The following CCM2 variants were observed in gnomAD, a reference collection of about 807,000 sequenced individuals.
The protein encoded by CCM2 is cerebral cavernous malformations 2 protein.
In CCM2, 25 loss-of-function variants were observed where a neutral mutation model predicts 44.9. The ratio of observed to expected loss-of-function variants is 0.56; its 90% CI spans 0.41 to 0.78. CCM2 has a LOEUF of 0.78. Ranked by LOEUF, CCM2 falls within the 30% of genes least tolerant of loss-of-function variation. The pLI, the probability that CCM2 is intolerant of heterozygous loss-of-function variation, is 0.00. For synonymous variants in CCM2, 219 were observed against 241.1 expected (o/e 0.91, Z 0.85); for missense variants, 481 against 580.6 (o/e 0.83, Z 1.76).
rs1487813700 is a variant in CCM2 at position 45,074,428 on chromosome 7, A to T, written c.1054+20A>T. The T allele has an allele frequency of 6.2e-7, 1 of 1,607,450 alleles. No individual in the cohort carries two copies. The highest frequency in any genetic ancestry group is 1.7e-5 in the Admixed American group (1 of 59,510). On this transcript the variant is annotated intron_variant, in intron 9 of 9. Transcript: ENST00000258781. ...TGCTTGGTGAGTGGGCCCTGGAAAG[A>T]GGGTGGCTTGTCCAAACCTGGCTTG...
chr7:45,034,512 C>CT (rs35845924), intron 1 of CCM2, among the ~76,000 whole-genome samples: 9,581 of 65,020 alleles, frequency 0.15, 2,136 homozygotes, highest in African/African-American at 0.43. Flanking sequence ...CATGCCTGGC[C>CT]TTTTTTTTTT....
intron 2 of CCM2, among the ~76,000 whole-genome samples, chr7:45,058,362 A>C (rs963997911): frequency 2.0e-5 from 3 of 152,198 alleles, no homozygotes; most frequent in African/African-American, 7.2e-5. Context: ...GTACATGTGC[A>C]CAACGTGCAG....
At chr7:45,027,413 G>A (rs1263426776) in intron 1 of CCM2, 4 of 510,616 alleles carry the variant, frequency 7.8e-6, no homozygotes, top group Non-Finnish European at 1.4e-5. Flanking sequence ...TCTGTTGACT[G>A]CAGAATTTCT....
chr7:45,013,691 C>T (rs894671802), intron 1 of CCM2, among the ~76,000 whole-genome samples: 3 of 152,152 alleles, frequency 2.0e-5, no homozygotes, highest in East Asian at 3.8e-4. Flanking sequence ...TTTATAGATT[C>T]AGGATCATGT....
chr7:45,068,302 C>T, intron 4 of CCM2, 141 bp from the exon 5 acceptor site: 1 of 1,064,198 alleles, frequency 9.4e-7, no homozygotes, highest in Non-Finnish European at 1.4e-6. Flanking sequence ...GGTGCAGGCC[C>T]TTCACCTGAG....
intron 2 of CCM2, among the ~76,000 whole-genome samples, chr7:45,058,289 C>A (rs565258499): frequency 1.3e-5 from 2 of 152,026 alleles, no homozygotes; most frequent in Non-Finnish European, 2.9e-5. Flanking sequence ...AGGTATCTAA[C>A]TTTTTGCCAT....
At chr7:45,042,265 C>CAAAAAACAAAAAAAAA (rs1797545157) in intron 2 of CCM2, among the ~76,000 whole-genome samples, 1 of 102,418 alleles carries the variant, frequency 9.8e-6, no homozygotes, top group Non-Finnish European at 1.8e-5. Context: ...GATTCCATCT[C>CAAAAAACAAAAAAAAA]AAAAAAAAAA....
At chr7:45,016,049 C>T (rs1796251056) in intron 1 of CCM2, among the ~76,000 whole-genome samples, 1 of 152,216 alleles carries the variant, frequency 6.6e-6, no homozygotes, top group Non-Finnish European at 1.5e-5. Flanking sequence ...TTGGCCTTGT[C>T]AACTTAAAAA....
chr7:45,071,545 A>G (rs1431721020), intron 6 of CCM2: 2 of 321,866 alleles, frequency 6.2e-6, no homozygotes, highest in Non-Finnish European at 1.2e-5. Flanking sequence ...AGCTATGCCA[A>G]AACATAGCAG....
chr7:45,061,262 C>T (rs988310876), intron 2 of CCM2, among the ~76,000 whole-genome samples: 2 of 152,040 alleles, frequency 1.3e-5, no homozygotes, highest in South Asian at 2.1e-4. Flanking sequence ...GTCCCTGGGC[C>T]GTGGCCTTCA....
intron 1 of CCM2, among the ~76,000 whole-genome samples, chr7:45,017,787 T>G (rs1289899414): frequency 6.6e-6 from 1 of 152,224 alleles, no homozygotes; most frequent in Admixed American, 6.5e-5. Flanking sequence ...CAAGGCATCT[T>G]GTCATGGCTG....
chr7:45,024,439 C>T (rs1180700807), intron 1 of CCM2, among the ~76,000 whole-genome samples: 5 of 134,738 alleles, frequency 3.7e-5, no homozygotes, highest in African/African-American at 1.5e-4. Flanking sequence ...TGTTTGCTTG[C>T]TGAACACTGT....
At chr7:45,024,921 C>T (rs1255330573) in intron 1 of CCM2, among the ~76,000 whole-genome samples, 1 of 152,182 alleles carries the variant, frequency 6.6e-6, no homozygotes, top group Non-Finnish European at 1.5e-5. Context: ...TTGAGTTCAT[C>T]GTTGTTGTCT....
chr7:44,999,887 G>A (rs1329430806), upstream of CCM2: 4 of 368,554 alleles, frequency 1.1e-5, no homozygotes, highest in Non-Finnish European at 2.2e-5. Flanking sequence ...CAGAAGCGAA[G>A]TAGGGGTAGG....
chr7:45,018,647 C>T (rs939286762), intron 1 of CCM2, among the ~76,000 whole-genome samples: 66 of 152,108 alleles, frequency 4.3e-4, no homozygotes, highest in African/African-American at 1.6e-3. Flanking sequence ...TGCCCAGCTT[C>T]TTTTGGCATT....
At chr7:45,053,210 T>C (rs1645723606) in intron 2 of CCM2, among the ~76,000 whole-genome samples, 1 of 152,210 alleles carries the variant, frequency 6.6e-6, no homozygotes, top group Admixed American at 6.5e-5. Flanking sequence ...CTATGGTACT[T>C]TTACCCAGGT....
intron 1 of CCM2, among the ~76,000 whole-genome samples, chr7:45,033,044 CAAAAAAA>C (rs60956411): frequency 1.5e-4 from 9 of 58,084 alleles, no homozygotes; most frequent in Admixed American, 5.2e-4. Flanking sequence ...AACTCCGTCT[CAAAAAAA>C]AAAAAAAAAA....
intron 1 of CCM2, among the ~76,000 whole-genome samples, chr7:45,022,571 G>A (rs948142632): frequency 2.6e-5 from 4 of 151,862 alleles, no homozygotes; most frequent in African/African-American, 9.7e-5. Flanking sequence ...CTCCCAAAGT[G>A]CTGGGATTAC....
chr7:45,026,247 C>T (rs1053241895), intron 1 of CCM2, among the ~76,000 whole-genome samples: 3 of 152,176 alleles, frequency 2.0e-5, no homozygotes, highest in African/African-American at 7.2e-5. Flanking sequence ...TGTGACTCTA[C>T]TCTGGTTTTT....
Sources: allele counts gnomAD v4.1 joint callset (sites outside exome capture counted in the v4.1 genomes callset), GRCh38; gene constraint gnomAD v4.1.1; transcripts MANE v1.5; gene names NCBI Gene and HGNC (gene_info 2026-07-23, HGNC 2026-07-21).